Variants in VEPH1 observed in about 807,000 individuals in gnomAD.
VEPH1 encodes ventricular zone-expressed PH domain-containing protein homolog 1.
A neutral mutation model predicts 85.2 loss-of-function variants in VEPH1; 80 were observed. The observed-to-expected ratio is 0.94, with a 90% CI of 0.78 to 1.13. The LOEUF is 1.13. Among genes scored for constraint, VEPH1 ranks in the 50% most tolerant of loss-of-function variants. The pLI, the probability that VEPH1 is intolerant of heterozygous loss-of-function variation, is 0.00. For missense variants in VEPH1, 955 were observed against 980.5 expected (o/e 0.97, Z 0.35); for synonymous variants, 297 against 348.0 (o/e 0.85, Z 1.63).
chr3:157,410,497 C>A (rs781107902), intron 6 of VEPH1, among the ~76,000 whole-genome samples: 3 of 152,118 alleles, frequency 2.0e-5, no homozygotes, highest in Non-Finnish European at 2.9e-5. Context: ...TACACACATG[C>A]ACATCTTGCC....
intron 5 of VEPH1, among the ~76,000 whole-genome samples, chr3:157,420,152 T>G (rs1408731833): frequency 7.4e-5 from 10 of 135,274 alleles, no homozygotes; most frequent in South Asian, 2.3e-4. Context: ...ATGGGAGGGG[T>G]GGAACAACAC....
chr3:157,441,718 G>A (rs956992404), intron 4 of VEPH1, among the ~76,000 whole-genome samples: 3 of 151,860 alleles, frequency 2.0e-5, no homozygotes, highest in Non-Finnish European at 4.4e-5. Context: ...GCTGAGGCAG[G>A]AGAATCGCTT....
intron 11 of VEPH1, among the ~76,000 whole-genome samples, chr3:157,292,553 G>A (rs1334218872): frequency 3.3e-5 from 5 of 151,946 alleles, no homozygotes; most frequent in African/African-American, 4.8e-5. Flanking sequence ...TTAGCTGGGC[G>A]TGGTGGCAGG....
At chr3:157,381,961 T>G (rs1728830701) in intron 6 of VEPH1, among the ~76,000 whole-genome samples, 2 of 152,180 alleles carry the variant, frequency 1.3e-5, no homozygotes, top group Non-Finnish European at 2.9e-5. Context: ...TCATAAATGA[T>G]GAGACCCCAC....
chr3:157,406,909 A>G (rs1033327721), intron 6 of VEPH1, among the ~76,000 whole-genome samples: 3 of 151,972 alleles, frequency 2.0e-5, no homozygotes, highest in Admixed American at 2.0e-4. Flanking sequence ...TAAAGTAAAG[A>G]TGACTATTAA....
chr3:157,496,368 G>A (rs529955980), intron 1 of VEPH1, among the ~76,000 whole-genome samples: 3 of 152,322 alleles, frequency 2.0e-5, no homozygotes, highest in Admixed American at 1.3e-4. Flanking sequence ...TGCACTGGCA[G>A]AGACCTTAGT....
chr3:157,381,155 C>T lies in VEPH1; in HGVS notation c.1127+1G>A. 1 of 1,613,016 alleles carries T rather than the reference C, an allele frequency of 6.2e-7. No individual in the cohort carries two copies. Among genetic ancestry groups the T allele is most frequent in the Non-Finnish European group, 8.5e-7 (1 of 1,179,988 alleles). ...TGAGGTACACAGAAGCTCTTGCTCA[C>T]CTGCCACTTCCAGCCTTGGTATTTT... On this transcript the variant is annotated splice_donor_variant, in intron 7 of 13. Transcript: ENST00000362010. LOFTEE classifies it high-confidence loss of function.
At chr3:157,300,265 G>A (rs1264872948) in intron 11 of VEPH1, among the ~76,000 whole-genome samples, 1 of 152,152 alleles carries the variant, frequency 6.6e-6, no homozygotes, top group East Asian at 1.9e-4. Context: ...AACAGACATT[G>A]CAGAGGGATT....
intron 11 of VEPH1, among the ~76,000 whole-genome samples, chr3:157,300,404 T>C (rs1022494555): frequency 6.6e-6 from 1 of 152,184 alleles, no homozygotes; most frequent in African/African-American, 2.4e-5. Flanking sequence ...TTCACGACAG[T>C]AGTAAAATTG....
rs751084050 is a variant in VEPH1, at chr3:157,414,102, G to C, written c.697-12C>G. ...CACTTCTGAACTACCTATAAAGAGA[G>C]AGGAGAGGAGGAGGGAAGAAAGAAG... On this transcript the variant is annotated splice_polypyrimidine_tract_variant and intron_variant, in intron 5 of 13. Transcript: ENST00000362010. 1 of 1,552,460 alleles carries C rather than the reference G, an allele frequency of 6.4e-7. No individual in the cohort carries two copies. The highest frequency in any genetic ancestry group is 8.8e-7 in the Non-Finnish European group (1 of 1,131,382).
intron 2 of VEPH1, among the ~76,000 whole-genome samples, chr3:157,494,133 T>TG (rs1160389563): frequency 3.9e-5 from 6 of 152,174 alleles, no homozygotes; most frequent in Non-Finnish European, 8.8e-5. Flanking sequence ...CATTGGTCAC[T>TG]GGGGGGAGTT....
chr3:157,333,798 A>T (rs183303680), intron 9 of VEPH1, among the ~76,000 whole-genome samples: 118 of 152,352 alleles, frequency 7.7e-4, no homozygotes, highest in Non-Finnish European at 1.4e-3. Flanking sequence ...AGGGCACAGA[A>T]AATTTTAGGA....
At chr3:157,362,808 T>C (rs911445764) in intron 9 of VEPH1, among the ~76,000 whole-genome samples, 2 of 152,228 alleles carry the variant, frequency 1.3e-5, no homozygotes, top group Non-Finnish European at 2.9e-5. Flanking sequence ...TTTCAACTTA[T>C]AATGGGTTTT....
chr3:157,406,375 T>C (rs996508843), intron 6 of VEPH1, among the ~76,000 whole-genome samples: 1 of 152,174 alleles, frequency 6.6e-6, no homozygotes, highest in Non-Finnish European at 1.5e-5. Context: ...TTTCTCAGGA[T>C]GTTATTCAAC....
intron 2 of VEPH1, among the ~76,000 whole-genome samples, chr3:157,473,911 A>C (rs1239125832): frequency 6.6e-6 from 1 of 152,182 alleles, no homozygotes; most frequent in East Asian, 1.9e-4. Flanking sequence ...AGATCTATCA[A>C]TATGATAAAT....
intron 11 of VEPH1, among the ~76,000 whole-genome samples, chr3:157,300,991 T>G (rs903170302): frequency 6.6e-6 from 1 of 152,226 alleles, no homozygotes; most frequent in African/African-American, 2.4e-5. Flanking sequence ...TGTGAACCTC[T>G]CCTCTTATGT....
At chr3:157,396,056 C>A (rs1392940392) in intron 6 of VEPH1, among the ~76,000 whole-genome samples, 1 of 152,170 alleles carries the variant, frequency 6.6e-6, no homozygotes, top group African/African-American at 2.4e-5. Flanking sequence ...GTCTTGCATG[C>A]ATTATCTATT....
intron 3 of VEPH1, among the ~76,000 whole-genome samples, chr3:157,466,161 C>T (rs1736356133): frequency 6.6e-6 from 1 of 151,820 alleles, no homozygotes; most frequent in Admixed American, 6.6e-5. Flanking sequence ...GAACGTAATA[C>T]ACATTGTATG....
At chr3:157,304,855 C>T (rs764447588) in intron 11 of VEPH1, among the ~76,000 whole-genome samples, 1 of 152,000 alleles carries the variant, frequency 6.6e-6, no homozygotes, top group African/African-American at 2.4e-5. Context: ...ATTTAATGGG[C>T]AATCCTCCAA....
Sources: gnomAD v4.1 joint callset for allele counts (sites outside exome capture counted in the v4.1 genomes callset) on GRCh38, gnomAD v4.1.1 for gene constraint, MANE v1.5 for transcripts, NCBI Gene and HGNC (gene_info 2026-07-23, HGNC 2026-07-21) for gene names.